The following KLHL1 variants were observed in gnomAD, a reference collection of about 807,000 sequenced individuals.
KLHL1 encodes the protein kelch like family member 1.
Under a neutral mutation model 77.7 loss-of-function variants are expected in KLHL1, and 47 were observed. The ratio of observed to expected loss-of-function variants is 0.60; its 90% CI spans 0.48 to 0.77. KLHL1 has a LOEUF of 0.77. Among genes scored for constraint, KLHL1 ranks in the 30% least tolerant of loss-of-function variants. KLHL1 has a pLI of 0.00. For missense variants in KLHL1, 925 were observed against 910.8 expected (o/e 1.02, Z -0.20); for synonymous variants, 360 against 325.2 (o/e 1.11, Z -1.15).
chr13:69,843,779 A>G (rs1455724870), intron 5 of KLHL1, among the ~76,000 whole-genome samples: 1 of 151,718 alleles, frequency 6.6e-6, no homozygotes, highest in Non-Finnish European at 1.5e-5. Flanking sequence ...GTACAGCTAC[A>G]AATCAGAAAA....
chr13:69,707,637 A>G lies in KLHL1; in HGVS notation c.2175T>C (p.Asn725=). The G allele has an allele frequency of 6.2e-7, 1 of 1,611,470 alleles. No individual in the cohort carries two copies. The highest frequency in any genetic ancestry group is 8.5e-7 in the Non-Finnish European group (1 of 1,178,440). Residue 725 remains asparagine (N), a synonymous_variant, in exon 10 of 11, where the codon AAT becomes AAC. Transcript: ENST00000377844. ...ATGACAATCTTACCTGTGTCCACTC[A>G]TTAGTTTGTGGGTCATAGGATTCCA... is the stretch of plus-strand genomic sequence containing the variant. ...NTMESYDPQT[N]EWTQMASLNI...
intron 1 of KLHL1, among the ~76,000 whole-genome samples, chr13:70,002,761 T>G (rs1237488390): frequency 6.6e-6 from 1 of 151,610 alleles, no homozygotes; most frequent in Non-Finnish European, 1.5e-5. Context: ...AAACTTCAAA[T>G]ATGCTAACGT....
chr13:69,709,806 G>A (rs759943179), intron 9 of KLHL1, among the ~76,000 whole-genome samples: 27 of 151,876 alleles, frequency 1.8e-4, no homozygotes, highest in Non-Finnish European at 3.4e-4. Context: ...ATTTGTGATC[G>A]TTGTTGAAGC....
chr13:69,806,667 G>T (rs914848324), intron 6 of KLHL1, among the ~76,000 whole-genome samples: 1 of 152,154 alleles, frequency 6.6e-6, no homozygotes, highest in Non-Finnish European at 1.5e-5. Flanking sequence ...AGAAACCCTT[G>T]ACCAACCACT....
chr13:70,016,867 G>A (rs1265133847), intron 1 of KLHL1, among the ~76,000 whole-genome samples: 1 of 152,026 alleles, frequency 6.6e-6, no homozygotes, highest in Non-Finnish European at 1.5e-5. Flanking sequence ...GCCACCCATG[G>A]ACAAATCAGC....
At chr13:69,821,477 G>A (rs991266249) in intron 6 of KLHL1, among the ~76,000 whole-genome samples, 6 of 151,874 alleles carry the variant, frequency 4.0e-5, no homozygotes, top group African/African-American at 1.5e-4. Flanking sequence ...ACCATGCTTG[G>A]CTAATTTTTG....
intron 5 of KLHL1, among the ~76,000 whole-genome samples, chr13:69,852,493 T>G (rs1593888086): frequency 6.6e-6 from 1 of 152,064 alleles, no homozygotes; most frequent in East Asian, 1.9e-4. Flanking sequence ...GGTTTTGTTT[T>G]AGCCTTATTT....
chr13:69,729,162 C>A (rs373668322), intron 8 of KLHL1, among the ~76,000 whole-genome samples: 7 of 152,066 alleles, frequency 4.6e-5, no homozygotes, highest in African/African-American at 1.7e-4. Context: ...CACACATCGA[C>A]GTTTATTCAC....
At chr13:70,017,915 CTTTGTATTT>C in intron 1 of KLHL1, among the ~76,000 whole-genome samples, 1 of 152,054 alleles carries the variant, frequency 6.6e-6, no homozygotes, top group Non-Finnish European at 1.5e-5. Context: ...ATACTATTAA[CTTTGTATTT>C]AAATAAGAGT....
intron 7 of KLHL1, among the ~76,000 whole-genome samples, chr13:69,780,719 T>TATACATATATATATAC (rs1176827873): frequency 1.7e-5 from 1 of 59,626 alleles, no homozygotes; most frequent in African/African-American, 6.4e-5. Context: ...TATATATGTA[T>TATACATATATATATAC]ATATATATAT....
At chr13:69,887,114 A>G (rs1161892514) in intron 4 of KLHL1, among the ~76,000 whole-genome samples, 1 of 152,170 alleles carries the variant, frequency 6.6e-6, no homozygotes, top group Non-Finnish European at 1.5e-5. Flanking sequence ...TGGGTCTAAG[A>G]TTTTAAAATT....
intron 7 of KLHL1, among the ~76,000 whole-genome samples, chr13:69,751,549 A>G (rs1316683052): frequency 1.3e-5 from 2 of 152,040 alleles, no homozygotes; most frequent in Non-Finnish European, 2.9e-5. Context: ...AAGAAGAATT[A>G]GAGTATTTCT....
chr13:69,804,317 A>G (rs954451579), intron 6 of KLHL1, among the ~76,000 whole-genome samples: 5 of 150,632 alleles, frequency 3.3e-5, no homozygotes, highest in African/African-American at 7.3e-5. Context: ...TGGGGGGGGG[A>G]AATAGTAATT....
chr13:69,908,788 C>A (rs1258600621), intron 4 of KLHL1, among the ~76,000 whole-genome samples: 1 of 150,860 alleles, frequency 6.6e-6, no homozygotes, highest in Non-Finnish European at 1.5e-5. Context: ...TAATAAATTC[C>A]TTTTTTATCA....
intron 5 of KLHL1, among the ~76,000 whole-genome samples, chr13:69,850,820 G>A (rs548325484): frequency 1.3e-5 from 2 of 151,620 alleles, no homozygotes; most frequent in African/African-American, 2.4e-5. Context: ...TGTGCCTCCA[G>A]ATCAACCTTC....
intron 1 of KLHL1, among the ~76,000 whole-genome samples, chr13:69,987,536 A>G (rs1274693971): frequency 6.6e-6 from 1 of 152,036 alleles, no homozygotes; most frequent in African/African-American, 2.4e-5. Context: ...GAAAGAAAAA[A>G]GGAAGTGAAA....
intron 1 of KLHL1, among the ~76,000 whole-genome samples, chr13:70,033,325 T>A (rs1251798466): frequency 6.6e-6 from 1 of 152,140 alleles, no homozygotes; most frequent in East Asian, 1.9e-4. Context: ...AGTCTCTCTC[T>A]GTCGCCCAGG....
At chr13:70,086,590 A>AAAAAG (rs1403142406) in intron 1 of KLHL1, among the ~76,000 whole-genome samples, 37 of 85,780 alleles carry the variant, frequency 4.3e-4, no homozygotes, top group African/African-American at 1.8e-3. Flanking sequence ...AAAAAAAAAA[A>AAAAAG]AAAGAAAGAA....
rs10549532 is a variant in KLHL1, at chr13:69,996,910, A to ATTTTTTTTTTTTTTT, written c.498-21123_498-21109dup. On this transcript the variant is annotated intron_variant, in intron 1 of 10. Transcript: ENST00000377844. ...GAAAAGTTCTTATTTTATTCATTAAATTTTTTTTTTTTTTTTTTTTTTTTT... is the reference window on the plus strand; with the variant it reads ...GAAAAGTTCTTATTTTATTCATTAAATTTTTTTTTTTTTTTTTTTTTTTTTTTTTTTTTTTTTTTT... Among the ~76,000 whole-genome samples the ATTTTTTTTTTTTTTT allele has an allele frequency of 4.2e-4, 30 of 71,226 alleles. 1 individual carries two copies. Among genetic ancestry groups the ATTTTTTTTTTTTTTT allele is most frequent in the Middle Eastern group, 0.01 (1 of 98 alleles). The allele number at this position is 71,226 out of a possible 152,430, so 46.7% of individuals were successfully genotyped here.
Sources: allele counts gnomAD v4.1 joint callset (sites outside exome capture counted in the v4.1 genomes callset), GRCh38; gene constraint gnomAD v4.1.1; transcripts MANE v1.5; gene names NCBI Gene and HGNC (gene_info 2026-07-23, HGNC 2026-07-21).